The following ASCC3 variants were observed in gnomAD, a reference collection of about 807,000 sequenced individuals.
ASCC3 encodes the protein ASC-1 complex subunit P200.
A neutral mutation model predicts 256.3 loss-of-function variants in ASCC3; 158 were observed. The observed-to-expected ratio is 0.62, with a 90% confidence interval of 0.54 to 0.70. The LOEUF is 0.70. ASCC3 is among the 30% of genes least tolerant of loss of function. The probability of loss-of-function intolerance (pLI) is 0.00; values close to 1 mark genes in which losing one functional copy is unlikely to be tolerated. For missense variants in ASCC3, 2,259 were observed against 2,626.0 expected, an observed-to-expected ratio of 0.86 and a Z score of 3.05; for synonymous variants, 948 against 883.4, an observed-to-expected ratio of 1.07 and a Z score of -1.30.
At chr6:100,679,095 G>C (rs1301169650) in intron 14 of ASCC3, among the ~76,000 whole-genome samples, 2 of 151,840 alleles carry the variant, frequency 1.3e-5, no homozygotes, top group Non-Finnish European at 2.9e-5. Flanking sequence ...GGGCCTAAAG[G>C]TCTCCCTTTT....
In ASCC3 at chr6:100,608,110, A is replaced by ATATATATCTATATATACATATATATGTG. The variant is rs1773039013; in HGVS notation, c.4786-1023_4786-1022insCACATATATATGTATATATAGATATATA. ...TATATCTATATACACATATATATGT[A>ATATATATCTATATATACATATATATGTG]TATATATCTATATATACATATATAT... On this transcript the variant is annotated intron_variant, in intron 30 of 41. Coordinates refer to ENST00000369162, the MANE Select transcript of ASCC3 (RefSeq NM_006828.4). Among the ~76,000 whole-genome samples the ATATATATCTATATATACATATATATGTG allele has an allele frequency of 1.6e-5, 2 of 122,048 alleles. 1 individual carries two copies. Among genetic ancestry groups the ATATATATCTATATATACATATATATGTG allele is most frequent in the South Asian group, 4.6e-4 (2 of 4,388 alleles). 80.1% of individuals were successfully genotyped at this position (122,048 alleles called of 152,430 possible).
intron 5 of ASCC3, among the ~76,000 whole-genome samples, chr6:100,802,559 A>T (rs1423132247): frequency 6.6e-6 from 1 of 152,136 alleles, no homozygotes; most frequent in East Asian, 1.9e-4. Flanking sequence ...CTGATACAAA[A>T]AGCTTATTGA....
chr6:100,663,030 C>T (rs1269642220), intron 14 of ASCC3, among the ~76,000 whole-genome samples: 1 of 152,026 alleles, frequency 6.6e-6, no homozygotes, highest in African/African-American at 2.4e-5. Flanking sequence ...AGCCTTTACA[C>T]TTTTACTTCA....
chr6:100,667,419 C>T (rs1776533076), intron 14 of ASCC3, among the ~76,000 whole-genome samples: 1 of 152,098 alleles, frequency 6.6e-6, no homozygotes, highest in African/African-American at 2.4e-5. Context: ...TCAGGCTTTA[C>T]ATTGTCTTGA....
At chr6:100,697,001 A>AC (rs1307082494) in intron 13 of ASCC3, among the ~76,000 whole-genome samples, 1 of 152,116 alleles carries the variant, frequency 6.6e-6, no homozygotes, top group Non-Finnish European at 1.5e-5. Context: ...CTAAACCAGA[A>AC]ATATTTGATT....
chr6:100,628,020 T>C (rs1288101697), intron 27 of ASCC3, 33 bp from the exon 28 acceptor site: 2 of 1,609,740 alleles, frequency 1.2e-6, no homozygotes, highest in African/African-American at 1.3e-5. Flanking sequence ...TGTTAATCAT[T>C]TAACAAGCCT....
At chr6:100,682,316 C>T (rs1777347995) in intron 13 of ASCC3, among the ~76,000 whole-genome samples, 1 of 152,120 alleles carries the variant, frequency 6.6e-6, no homozygotes, top group African/African-American at 2.4e-5. Flanking sequence ...CCCCTGCCCT[C>T]ATGGAGATGA....
chr6:100,735,793 G>T (rs1404758391), intron 10 of ASCC3, among the ~76,000 whole-genome samples: 1 of 152,042 alleles, frequency 6.6e-6, no homozygotes, highest in Non-Finnish European at 1.5e-5. Context: ...CACACACAAA[G>T]TATGATACAA....
rs542774961 is a variant in ASCC3 at position 100,675,838 on chromosome 6, A to G, written c.2286+3780T>C. Among the ~76,000 whole-genome samples the G allele has an allele frequency of 2.0e-5, 3 of 152,302 alleles. No individual in the cohort carries two copies. In the South Asian group the frequency reaches 6.2e-4, roughly 32 times the overall value. On this transcript the variant is annotated intron_variant, in intron 14 of 41. Transcript: ENST00000369162. ...GTGGGAATACTCAATCCCTATGAGA[A>G]CAGTTAAAGCCTGTTAAAAATTTGT...
intron 8 of ASCC3, among the ~76,000 whole-genome samples, chr6:100,787,897 G>C (rs1769167512): frequency 6.7e-6 from 1 of 150,342 alleles, no homozygotes; most frequent in Admixed American, 6.6e-5. Flanking sequence ...AAATTACGAA[G>C]AAAATCTTAA....
chr6:100,765,323 T>C (rs949318086), intron 10 of ASCC3, among the ~76,000 whole-genome samples: 2 of 152,162 alleles, frequency 1.3e-5, no homozygotes, highest in Non-Finnish European at 2.9e-5. Context: ...CAGGCCATGA[T>C]GGGAAGTAAG....
chr6:100,657,163 T>G (rs552672453), intron 16 of ASCC3, among the ~76,000 whole-genome samples: 6 of 151,320 alleles, frequency 4.0e-5, no homozygotes, highest in Non-Finnish European at 7.4e-5. Flanking sequence ...GATATACTAT[T>G]TGTTACTAAA....
chr6:100,523,895 T>G (rs1774428886), intron 37 of ASCC3, among the ~76,000 whole-genome samples: 1 of 152,152 alleles, frequency 6.6e-6, no homozygotes. Context: ...CTCTGAACAG[T>G]GAATTATATA....
At chr6:100,787,868 CTTTAAAA>C (rs1769165640) in intron 8 of ASCC3, among the ~76,000 whole-genome samples, 1 of 151,860 alleles carries the variant, frequency 6.6e-6, no homozygotes, top group African/African-American at 2.4e-5. Context: ...AGAGCTCCAA[CTTTAAAA>C]TTTACAGAAG....
intron 23 of ASCC3, 139 bp downstream of exon 23, chr6:100,643,892 T>A (rs571394188): frequency 1.6e-6 from 1 of 630,656 alleles, no homozygotes; most frequent in African/African-American, 1.8e-5. Flanking sequence ...CACTGTATTC[T>A]TTTAAAACTA....
intron 36 of ASCC3, among the ~76,000 whole-genome samples, chr6:100,583,048 CT>C (rs754407034): frequency 1.3e-5 from 2 of 152,084 alleles, no homozygotes; most frequent in Non-Finnish European, 2.9e-5. Flanking sequence ...CTAAAATTCT[CT>C]TTTTTGGTTG....
At chr6:100,743,523 T>C (rs1780529737) in intron 10 of ASCC3, among the ~76,000 whole-genome samples, 1 of 152,104 alleles carries the variant, frequency 6.6e-6, no homozygotes, top group South Asian at 2.1e-4. Context: ...TTTACTCCCT[T>C]ATCTCCCATA....
At chr6:100,798,911 G>A (rs1041037761) in intron 7 of ASCC3, 73 bp from the exon 8 acceptor site, 2 of 1,349,616 alleles carry the variant, frequency 1.5e-6, no homozygotes, top group Admixed American at 1.9e-5. Flanking sequence ...ATTCTTTAGA[G>A]AGAGACAGAA....
At chr6:100,686,464 A>C (rs1777572945) in intron 13 of ASCC3, among the ~76,000 whole-genome samples, 1 of 152,080 alleles carries the variant, frequency 6.6e-6, no homozygotes, top group African/African-American at 2.4e-5. Context: ...ATCCCTTTTC[A>C]CCATATGGTA....
Sources: gnomAD v4.1 joint callset for allele counts (sites outside exome capture counted in the v4.1 genomes callset) on GRCh38, gnomAD v4.1.1 for gene constraint, MANE v1.5 for transcripts, NCBI Gene and HGNC (gene_info 2026-07-23, HGNC 2026-07-21) for gene names.